RIMBP2: variants seen among roughly 807,000 people sequenced by gnomAD.
RIMBP2 encodes RIMS binding protein 2, also known as RIMS-binding protein 2.
Under a neutral mutation model 118.6 loss-of-function variants are expected in RIMBP2, and 48 were observed. The ratio of observed to expected loss-of-function variants is 0.40; its 90% confidence interval spans 0.32 to 0.51. The LOEUF is 0.51. Ranked by LOEUF, RIMBP2 falls within the 20% of genes least tolerant of loss-of-function variation. The pLI is 0.41. For synonymous variants in RIMBP2, 762 were observed against 742.9 expected (o/e 1.03, Z -0.42); for missense variants, 1,551 against 1,768.3 (o/e 0.88, Z 2.20).
chr12:130,639,670 T>C (rs2062525710), intron 1 of RIMBP2, among the ~76,000 whole-genome samples: 1 of 152,020 alleles, frequency 6.6e-6, no homozygotes, highest in Non-Finnish European at 1.5e-5. Flanking sequence ...TCTGGGCAGC[T>C]CGGGGGCTGG....
At chr12:130,488,361 C>T (rs540885123) in intron 4 of RIMBP2, among the ~76,000 whole-genome samples, 1 of 151,882 alleles carries the variant, frequency 6.6e-6, no homozygotes, top group South Asian at 2.1e-4. Flanking sequence ...GAGATATTGG[C>T]TGCAAAGGCT....
intron 11 of RIMBP2, 142 bp from the exon 12 acceptor site, chr12:130,438,658 C>A: frequency 3.0e-5 from 10 of 328,076 alleles, no homozygotes; most frequent in East Asian, 2.3e-4. Context: ...GTTGAAAGCA[C>A]ATCAGAAACT....
At chr12:130,693,655 C>A (rs1157042680) in intron 1 of RIMBP2, among the ~76,000 whole-genome samples, 1 of 152,210 alleles carries the variant, frequency 6.6e-6, no homozygotes, top group South Asian at 2.1e-4. Flanking sequence ...GAACCCAAGT[C>A]TCTGGAGGTG....
At chr12:130,479,038 T>C (rs2081705728) in intron 4 of RIMBP2, 22 bp from the exon 5 acceptor site, 1 of 1,601,062 alleles carries the variant, frequency 6.2e-7, no homozygotes, top group African/African-American at 1.3e-5. Context: ...GAGAGAGGCC[T>C]GGCTGAGCAG....
At position 130,399,822 on chromosome 12, in the gene RIMBP2, C is replaced by G. The variant is rs1224524147; in HGVS notation, c.3766-9G>C. The G allele has an allele frequency of 6.2e-7, 1 of 1,613,824 alleles. No homozygotes were observed. Among genetic ancestry groups the G allele is most frequent in the South Asian group, 1.1e-5 (1 of 91,058 alleles). ...TGCCCATTCAGCTCCCCCTAAAACA[C>G]CAGGGGTGAGGCAGAAGAACTATTT... is the stretch of plus-strand genomic sequence containing the variant. On this transcript the variant is annotated splice_polypyrimidine_tract_variant and intron_variant, in intron 21 of 22. Transcript: ENST00000690449.
In RIMBP2 at chr12:130,419,955, A is replaced by G. The variant is rs1376906682; in HGVS notation, c.3238+2498T>C. The G allele has an allele frequency of 1.3e-5, 2 of 152,220 alleles. No homozygotes were observed. The highest frequency in any genetic ancestry group is 4.8e-5 in the African/African-American group (2 of 41,458). The allele number at this position is 152,220 out of a possible 1,614,324, so 9.4% of individuals were successfully genotyped here. Reference sequence around the variant, plus strand: ...GGAAATCCAGAAAATATTAAAATTTATATTATTTTTCATTGTAGGTCCACT... The same window carrying G: ...GGAAATCCAGAAAATATTAAAATTTGTATTATTTTTCATTGTAGGTCCACT... On this transcript the variant is annotated intron_variant, in intron 17 of 22. Coordinates refer to ENST00000690449, the MANE Select transcript of RIMBP2 (RefSeq NM_001393629.1). The surrounding 1 kb of genome is among the most constrained non-coding windows in gnomAD (Gnocchi z 4.3).
rs1019333867 is a variant in RIMBP2, at chr12:130,622,150, A to T, written c.-217+6172T>A. Among the ~76,000 whole-genome samples the T allele has an allele frequency of 2.6e-5, 4 of 152,212 alleles. No homozygotes were observed. Among genetic ancestry groups the T allele is most frequent in the Middle Eastern group, 3.2e-3 (1 of 316 alleles). ...ACAGTTAGTCTTGGGGTCCTGACCA[A>T]AAATGAGCCCTGAGAACTTGCAGGC... On this transcript the variant is annotated intron_variant, in intron 2 of 22. Coordinates refer to ENST00000690449, the MANE Select transcript of RIMBP2 (RefSeq NM_001393629.1). The surrounding 1 kb of genome is among the most constrained non-coding windows in gnomAD (Gnocchi z 8.5).
At chr12:130,679,189 C>T (rs191316173) in intron 1 of RIMBP2, among the ~76,000 whole-genome samples, 10 of 152,128 alleles carry the variant, frequency 6.6e-5, no homozygotes, top group East Asian at 1.9e-4. Flanking sequence ...GTAATGCAAA[C>T]GAATGAACAC....
At chr12:130,603,972 A>G (rs1381244870) in intron 2 of RIMBP2, among the ~76,000 whole-genome samples, 1 of 152,158 alleles carries the variant, frequency 6.6e-6, no homozygotes, top group Non-Finnish European at 1.5e-5. Flanking sequence ...CAGGCCTTCC[A>G]GAAATTATCC....
rs542743997 is a variant in RIMBP2 at position 130,433,368 on chromosome 12, G to A, written c.2253+1366C>T. Among the ~76,000 whole-genome samples the A allele has an allele frequency of 9.9e-5, 15 of 152,256 alleles. No individual in the cohort carries two copies. In the South Asian group the frequency reaches 2.3e-3, roughly 23 times the overall value. On this transcript the variant is annotated intron_variant, in intron 14 of 22. Transcript: ENST00000690449. ...ACTGCATGTGCGTGTGACTCCTCTC[G>A]GATGGATGCACAGCCTTTCCCCAAC...
At chr12:130,461,427 C>T (rs923797528) in intron 6 of RIMBP2, among the ~76,000 whole-genome samples, 4 of 152,160 alleles carry the variant, frequency 2.6e-5, no homozygotes, top group Admixed American at 6.5e-5. Context: ...GCCGGTGCCT[C>T]GGCCCGGGTG....
chr12:130,408,848 G>A (rs573244297), intron 19 of RIMBP2, among the ~76,000 whole-genome samples: 1 of 152,328 alleles, frequency 6.6e-6, no homozygotes, highest in South Asian at 2.1e-4. Flanking sequence ...CAGCGATGTG[G>A]CTTTTCAGTG....
Position 130,456,567 on chromosome 12 carries a change from A to G in RIMBP2, c.287T>C (p.Leu96Pro). ...CTTGCTGGGGGCCGTGGAGATGTCC[A>G]GGGGGGCCACCGCGCTGCCACCCAG... ...DLLGGSAVAP[L>P]DISTAPSKPF... The change falls in exon 7 of 23, where the codon CTG becomes CCG. Residue 96 changes from leucine (L) to proline (P), a missense_variant. Coordinates refer to ENST00000690449, the MANE Select transcript of RIMBP2 (RefSeq NM_001393629.1). 1 of 1,613,182 alleles carries G rather than the reference A, an allele frequency of 6.2e-7. No individual in the cohort carries two copies. The highest frequency in any genetic ancestry group is 8.5e-7 in the Non-Finnish European group (1 of 1,179,478).
chr12:130,616,171 C>G (rs943513170), intron 2 of RIMBP2, among the ~76,000 whole-genome samples: 2 of 152,182 alleles, frequency 1.3e-5, no homozygotes, highest in Non-Finnish European at 2.9e-5. Flanking sequence ...AAATGGGGAG[C>G]TGTTCACGGT....
At chr12:130,477,324 C>A (rs1257536600) in intron 5 of RIMBP2, among the ~76,000 whole-genome samples, 3 of 151,668 alleles carry the variant, frequency 2.0e-5, no homozygotes, top group Admixed American at 1.3e-4. Context: ...CTTTCCCCTT[C>A]CTGGACAGTC....
At chr12:130,705,316 C>T (rs748987172) in intron 1 of RIMBP2, among the ~76,000 whole-genome samples, 4 of 152,314 alleles carry the variant, frequency 2.6e-5, no homozygotes, top group Admixed American at 1.3e-4. Flanking sequence ...CTCATGAAGC[C>T]GCCCGGAGCC....
chr12:130,590,954 C>T (rs1355776710), intron 2 of RIMBP2, among the ~76,000 whole-genome samples: 5 of 152,200 alleles, frequency 3.3e-5, no homozygotes, highest in Admixed American at 1.3e-4. Context: ...CAGGGGAAAG[C>T]GGGATGCAGA....
At chr12:130,629,522 G>A (rs1001384158) in intron 1 of RIMBP2, among the ~76,000 whole-genome samples, 21 of 152,302 alleles carry the variant, frequency 1.4e-4, no homozygotes, top group Middle Eastern at 3.4e-3. Context: ...TTATTTTCTA[G>A]AGATATTTAA....
chr12:130,635,945 C>T (rs1393913626), intron 1 of RIMBP2, among the ~76,000 whole-genome samples: 3 of 152,192 alleles, frequency 2.0e-5, no homozygotes, highest in Admixed American at 6.5e-5. Context: ...ACTTGCAAAA[C>T]GGAAATCTAT....
Sources: allele counts gnomAD v4.1 joint callset (sites outside exome capture counted in the v4.1 genomes callset), GRCh38; gene constraint gnomAD v4.1.1; non-coding constraint Gnocchi (gnomAD v3.1); transcripts MANE v1.5; gene names NCBI Gene and HGNC (gene_info 2026-07-23, HGNC 2026-07-21).